The following ADAM28 variants were observed in gnomAD, a reference collection of about 807,000 sequenced individuals.
The protein encoded by ADAM28 is disintegrin and metalloproteinase domain-containing protein 28.
Under a neutral mutation model 101.2 loss-of-function variants are expected in ADAM28, and 105 were observed. The observed-to-expected ratio is 1.04, with a 90% CI of 0.89 to 1.22. The LOEUF is 1.22. Ranked by LOEUF, ADAM28 falls within the 50% of genes most tolerant of loss-of-function variation. The pLI, the probability that ADAM28 is intolerant of heterozygous loss-of-function variation, is 0.00. For missense variants in ADAM28, 1,028 were observed against 945.4 expected (o/e 1.09, Z -1.15); for synonymous variants, 322 against 310.6 (o/e 1.04, Z -0.39).
chr8:24,311,366 T>A lies in ADAM28; in HGVS notation c.312T>A (p.Asp104Glu). Residue 104 changes from aspartate (D) to glutamate (E), a missense_variant, in exon 5 of 23, where the codon GAT becomes GAA. By Grantham distance (45) the Asp-to-Glu change is conservative (BLOSUM62 2). Transcript: ENST00000265769. ...CAAAACCCCTTTTCCTTTAGGATGA[T>A]TGTTATTATCAAGGACATATTCTTA... is the stretch of plus-strand genomic sequence containing the variant. ...EITTSPQIMDDCYYQGHILNE... is the reference protein window; with the variant it reads ...EITTSPQIMDECYYQGHILNE... 6.2e-7 allele frequency: 1 copy of A among 1,612,348 alleles called. No individual in the cohort carries two copies. The highest frequency in any genetic ancestry group is 1.7e-5 in the Admixed American group (1 of 59,810).
At position 24,356,431 on chromosome 8, in the gene ADAM28, A is replaced by C. The variant is rs1411883331; in HGVS notation, c.*2027A>C. ...ACCATACACTCTCAAAAGCAGTGGC[A>C]TGTGAACATGCCTGCAAGTTCCTAA... is the stretch of plus-strand genomic sequence containing the variant. On this transcript the variant is annotated 3_prime_UTR_variant, in exon 23 of 23. Transcript: ENST00000265769. The C allele has an allele frequency of 6.6e-6, 1 of 152,224 alleles. No homozygotes were observed. Among genetic ancestry groups the C allele is most frequent in the Non-Finnish European group, 1.5e-5 (1 of 68,032 alleles). 9.4% of individuals were successfully genotyped at this position (152,224 alleles called of 1,614,324 possible). A position where few individuals can be genotyped will look rare whatever the true frequency, so the allele number is the denominator to read the frequency against.
intron 16 of ADAM28, 89 bp downstream of exon 16, chr8:24,341,846 C>T (rs775299195): frequency 1.0e-5 from 16 of 1,533,812 alleles, no homozygotes; most frequent in Non-Finnish European, 1.4e-5. Context: ...CACTATGTGC[C>T]TTGTTTCCCG....
intron 6 of ADAM28, among the ~76,000 whole-genome samples, chr8:24,319,580 C>G (rs987216334): frequency 1.3e-5 from 2 of 151,946 alleles, no homozygotes; most frequent in African/African-American, 4.8e-5. Context: ...AAAAGACATG[C>G]ACTTCCAGAA....
chr8:24,324,611 A>G (rs1008039965), intron 9 of ADAM28, among the ~76,000 whole-genome samples: 12 of 151,982 alleles, frequency 7.9e-5, no homozygotes, highest in Non-Finnish European at 5.9e-5. Flanking sequence ...TCAGTGAACT[A>G]TGTCCTGCCA....
chr8:24,326,729 T>C (rs896751428), intron 10 of ADAM28, 94 bp downstream of exon 10: 4 of 1,224,690 alleles, frequency 3.3e-6, no homozygotes, highest in Non-Finnish European at 1.2e-6. Flanking sequence ...TTTTTCTCTG[T>C]AGTCTGTTGA....
chr8:24,330,205 T>C, intron 11 of ADAM28, 90 bp downstream of exon 11: 1 of 1,448,416 alleles, frequency 6.9e-7, no homozygotes, highest in Non-Finnish European at 9.2e-7. Flanking sequence ...TTCAACAACG[T>C]GTTCGAGTTT....
At chr8:24,304,916 C>CAAAA (rs201577045) in intron 2 of ADAM28, among the ~76,000 whole-genome samples, 183 of 128,350 alleles carry the variant, frequency 1.4e-3, no homozygotes, top group African/African-American at 3.0e-3. Flanking sequence ...AACTCCTTCT[C>CAAAA]AAAAAAAAAA....
chr8:24,355,215 G>A lies in ADAM28; in HGVS notation c.*811G>A, dbSNP rs1816597883. The A allele has an allele frequency of 6.6e-6, 1 of 152,382 alleles. No individual in the cohort carries two copies. Among genetic ancestry groups the A allele is most frequent in the African/African-American group, 2.4e-5 (1 of 41,444 alleles). 9.4% of individuals were successfully genotyped at this position (152,382 alleles called of 1,614,324 possible). Reference sequence around the variant, plus strand: ...CAATAGATTCCCAGCTTTGTCAGATGTAATCTAAAAGTAATCCGATGCTTT... The same window carrying A: ...CAATAGATTCCCAGCTTTGTCAGATATAATCTAAAAGTAATCCGATGCTTT... On this transcript the variant is annotated 3_prime_UTR_variant, in exon 23 of 23. Coordinates refer to ENST00000265769, the MANE Select transcript of ADAM28 (RefSeq NM_014265.6).
At chr8:24,341,810 C>A in intron 16 of ADAM28, 53 bp downstream of exon 16, 2 of 1,609,280 alleles carry the variant, frequency 1.2e-6, no homozygotes, top group East Asian at 4.5e-5. Context: ...CTTTGGTGTG[C>A]TTTGTTGTTT....
At chr8:24,295,311 C>A (rs1247418606) in intron 1 of ADAM28, among the ~76,000 whole-genome samples, 1 of 152,068 alleles carries the variant, frequency 6.6e-6, no homozygotes, top group Non-Finnish European at 1.5e-5. Flanking sequence ...ATCTCTAATG[C>A]CTTTTGCTTT....
At position 24,349,899 on chromosome 8, in the gene ADAM28, G is replaced by A. The variant is rs781111994; in HGVS notation, c.2026G>A (p.Ala676Thr). Residue 676 changes from alanine to threonine, a missense_variant, in exon 19 of 23, where the codon GCG becomes ACG. Coordinates refer to ENST00000265769, the MANE Select transcript of ADAM28 (RefSeq NM_014265.6). ...SIVVGVLFPM[A>T]VIFVVVAMVI... The stretch of plus-strand genomic sequence containing the variant: ...TGTGGTTGGGGTGCTGTTCCCAATG[G>A]CGGTCATTTTTGTGGTGGTTGCTAT... 9 of 1,613,560 alleles carry A rather than the reference G, an allele frequency of 5.6e-6. No homozygotes were observed. The African/African-American group carries it at 1.2e-4, about 22-fold the overall frequency.
At chr8:24,336,846 T>C (rs1347590459) in intron 14 of ADAM28, among the ~76,000 whole-genome samples, 1 of 152,076 alleles carries the variant, frequency 6.6e-6, no homozygotes, top group Admixed American at 6.6e-5. Context: ...ATGATGTACA[T>C]GTATTTAATT....
At position 24,311,425 on chromosome 8, in the gene ADAM28, G is replaced by A. The variant is rs925416598; in HGVS notation, c.371G>A (p.Cys124Tyr). The change falls in exon 5 of 23, where the codon TGT becomes TAT. Residue 124 changes from cysteine to tyrosine, a missense_variant. Cys to Tyr is a radical substitution (Grantham distance 194). Coordinates refer to ENST00000265769, the MANE Select transcript of ADAM28 (RefSeq NM_014265.6). Reference sequence around the variant, plus strand: ...GTTTCTGACGCTAGCATCAGCACATGTAGGGGTCTAAGGTAAGACTTCAGG... The same window carrying A: ...GTTTCTGACGCTAGCATCAGCACATATAGGGGTCTAAGGTAAGACTTCAGG... ...EKVSDASIST[C>Y]RGLRGYFSQG... 6.2e-7 allele frequency: 1 copy of A among 1,612,996 alleles called. No individual in the cohort carries two copies. The highest frequency in any genetic ancestry group is 1.1e-5 in the South Asian group (1 of 91,000).
At chr8:24,311,614 T>A (rs113336610) in intron 5 of ADAM28, among the ~76,000 whole-genome samples, 177 bp downstream of exon 5, 238 of 152,330 alleles carry the variant, frequency 1.6e-3, no homozygotes, top group African/African-American at 5.5e-3. Context: ...GCTTGTAAAT[T>A]ACATATCCGA....
At chr8:24,333,164 G>A (rs1585670060) in intron 13 of ADAM28, among the ~76,000 whole-genome samples, 1 of 152,172 alleles carries the variant, frequency 6.6e-6, no homozygotes, top group African/African-American at 2.4e-5. Flanking sequence ...CAAGGGCAAG[G>A]AGGCTCGGAA....
At chr8:24,335,747 G>C in intron 14 of ADAM28, 106 bp downstream of exon 14, 1 of 1,291,462 alleles carries the variant, frequency 7.7e-7, no homozygotes, top group African/African-American at 1.5e-5. Flanking sequence ...CTTCTTAGAA[G>C]CTTTGAACTC....
intron 11 of ADAM28, among the ~76,000 whole-genome samples, 178 bp from the exon 12 acceptor site, chr8:24,330,972 T>C (rs1204996440): frequency 3.3e-5 from 5 of 152,104 alleles, no homozygotes; most frequent in South Asian, 2.1e-4. Flanking sequence ...TATTTTCTCA[T>C]GAAGTTGGAG....
rs191861072 is a variant in ADAM28, at chr8:24,296,685, C to A, written c.46+2490C>A. The stretch of plus-strand genomic sequence containing the variant: ...CCATCTAAACCAAAATAACAGTTTT[C>A]TTTTTCCTGATCTGGTTTTGCTAGT... On this transcript the variant is annotated intron_variant, in intron 1 of 22. Coordinates refer to ENST00000265769, the MANE Select transcript of ADAM28 (RefSeq NM_014265.6). 1.1e-3 allele frequency among the ~76,000 whole-genome samples: 164 copies of A among 152,276 alleles called. 4 individuals are homozygous for A. In the East Asian group the frequency reaches 0.025, roughly 23 times the overall value.
intron 2 of ADAM28, among the ~76,000 whole-genome samples, chr8:24,305,687 T>G (rs966352814): frequency 1.3e-5 from 2 of 152,110 alleles, no homozygotes; most frequent in Non-Finnish European, 2.9e-5. Flanking sequence ...AACCTTTTAA[T>G]GTTCCTTTAA....
Sources: allele counts gnomAD v4.1 joint callset (sites outside exome capture counted in the v4.1 genomes callset), GRCh38; gene constraint gnomAD v4.1.1; transcripts MANE v1.5; gene names NCBI Gene and HGNC (gene_info 2026-07-23, HGNC 2026-07-21).